Variants in NR2C2 observed in about 807,000 individuals in gnomAD.
The protein encoded by NR2C2 is nuclear receptor subfamily 2 group C member 2.
Under a neutral mutation model 62.9 loss-of-function variants are expected in NR2C2, and 6 were observed. The observed-to-expected ratio is 0.10, with a 90% CI of 0.05 to 0.19. The LOEUF is 0.19. Ranked by LOEUF, NR2C2 falls within the 10% of genes least tolerant of loss-of-function variation. The pLI is 1.00. For missense variants in NR2C2, 479 were observed against 762.7 expected, an observed-to-expected ratio of 0.63 and a Z score of 4.38; for synonymous variants, 272 against 273.8, an observed-to-expected ratio of 0.99 and a Z score of 0.07.
chr3:14,996,436 G>T (rs1259644678), intron 1 of NR2C2, among the ~76,000 whole-genome samples: 1 of 152,172 alleles, frequency 6.6e-6, no homozygotes, highest in African/African-American at 2.4e-5. Context: ...GACAGTATCA[G>T]TTATCATTTG....
At chr3:14,954,053 C>T (rs1035519349) in intron 1 of NR2C2, among the ~76,000 whole-genome samples, 3 of 152,132 alleles carry the variant, frequency 2.0e-5, no homozygotes, top group Non-Finnish European at 4.4e-5. Flanking sequence ...GTACCACACT[C>T]GTTCTTGTCC....
chr3:15,046,831 C>T lies in NR2C2; in HGVS notation c.*3823C>T, dbSNP rs1225281684. 1 of 152,690 alleles carries T rather than the reference C, an allele frequency of 6.5e-6. No individual in the cohort carries two copies. The highest frequency in any genetic ancestry group is 2.4e-5 in the African/African-American group (1 of 41,462). The allele number at this position is 152,690 out of a possible 1,614,324, so 9.5% of individuals were successfully genotyped here. A position where few individuals can be genotyped will look rare whatever the true frequency, so the allele number is the denominator to read the frequency against. ...TGCCCCACGTGCTTCCTTTATCCAG[C>T]TTCCATTCTCTCAGTTATGAGGCTC... On this transcript the variant is annotated 3_prime_UTR_variant, in exon 14 of 14. Coordinates refer to ENST00000425241, the MANE Select transcript of NR2C2 (RefSeq NM_001291694.2).
chr3:15,004,412 A>G, intron 2 of NR2C2: 2 of 716,130 alleles, frequency 2.8e-6, no homozygotes, highest in South Asian at 3.6e-5. Context: ...GTTATTATGA[A>G]GAATCAAAGG....
At chr3:15,038,938 C>A in intron 12 of NR2C2, 184 bp from the exon 13 acceptor site, 2 of 590,720 alleles carry the variant, frequency 3.4e-6, no homozygotes, top group Non-Finnish European at 3.0e-6. Flanking sequence ...CCAGGAACTT[C>A]AGGCCTGGGC....
At chr3:14,968,824 T>G (rs1360855638) in intron 1 of NR2C2, among the ~76,000 whole-genome samples, 1 of 142,568 alleles carries the variant, frequency 7.0e-6, no homozygotes, top group African/African-American at 2.7e-5. Flanking sequence ...GATGAGTTCA[T>G]GTCCTTTGTA....
intron 8 of NR2C2, 132 bp downstream of exon 8, chr3:15,028,851 C>A: frequency 1.0e-6 from 1 of 974,274 alleles, no homozygotes. Context: ...AATGACCCTG[C>A]TCATCTGTCT....
chr3:14,972,953 C>G (rs535399258), intron 1 of NR2C2, among the ~76,000 whole-genome samples: 1 of 152,092 alleles, frequency 6.6e-6, no homozygotes, highest in African/African-American at 2.4e-5. Context: ...CCCCATGATC[C>G]GATCACCTCC....
At chr3:15,034,943 G>C (rs890006877) in intron 11 of NR2C2, 134 bp downstream of exon 11, 1 of 895,172 alleles carries the variant, frequency 1.1e-6, no homozygotes, top group African/African-American at 1.7e-5. Context: ...TAGCAAATTG[G>C]ATAGCCTCAG....
intron 8 of NR2C2, among the ~76,000 whole-genome samples, 161 bp from the exon 9 acceptor site, chr3:15,030,114 C>T (rs2041940961): frequency 6.6e-6 from 1 of 152,086 alleles, no homozygotes; most frequent in East Asian, 1.9e-4. Context: ...CACCTGCAGT[C>T]AATAGTTTGA....
intron 3 of NR2C2, 43 bp from the exon 4 acceptor site, chr3:15,016,109 G>T (rs1220599277): frequency 2.0e-6 from 3 of 1,505,360 alleles, no homozygotes; most frequent in African/African-American, 1.4e-5. Flanking sequence ...GCAGTGATTT[G>T]ATTTTTAATT....
At chr3:15,012,230 CT>C (rs112840297) in intron 2 of NR2C2, among the ~76,000 whole-genome samples, 126 of 145,624 alleles carry the variant, frequency 8.7e-4, no homozygotes, top group Non-Finnish European at 7.6e-4. Context: ...AGTTCCATTT[CT>C]TTTTTTTTTT....
At chr3:15,031,722 C>T (rs1220465899) in intron 9 of NR2C2, among the ~76,000 whole-genome samples, 1 of 151,822 alleles carries the variant, frequency 6.6e-6, no homozygotes, top group Non-Finnish European at 1.5e-5. Flanking sequence ...ATGAAGTTGG[C>T]CCCTGTTACC....
At chr3:14,984,378 T>G (rs2040457614) in intron 1 of NR2C2, among the ~76,000 whole-genome samples, 1 of 152,200 alleles carries the variant, frequency 6.6e-6, no homozygotes, top group South Asian at 2.1e-4. Context: ...TTATAAATTT[T>G]TAGGATAGAT....
intron 13 of NR2C2, among the ~76,000 whole-genome samples, chr3:15,040,666 G>C (rs1379704630): frequency 1.3e-5 from 2 of 152,252 alleles, no homozygotes; most frequent in Non-Finnish European, 2.9e-5. Flanking sequence ...ACAAGAGCCT[G>C]CTTCTCCTTT....
chr3:15,039,037 A>C (rs527467574), intron 12 of NR2C2, 85 bp from the exon 13 acceptor site: 50 of 954,278 alleles, frequency 5.2e-5, no homozygotes, highest in Admixed American at 4.9e-4. Flanking sequence ...AGTTTGCAGA[A>C]GTTTGACTAA....
At chr3:14,973,235 G>A (rs529288007) in intron 1 of NR2C2, among the ~76,000 whole-genome samples, 92 of 151,980 alleles carry the variant, frequency 6.1e-4, no homozygotes, top group Admixed American at 1.2e-3. Flanking sequence ...TTTCCTCTAT[G>A]ATTTTTTTTT....
chr3:15,004,650 G>T, intron 2 of NR2C2: 1 of 1,608,252 alleles, frequency 6.2e-7, no homozygotes, highest in South Asian at 1.1e-5. Flanking sequence ...AAGCTGGGAG[G>T]AAGGGATAAT....
At chr3:15,041,427 A>C (rs2042261963) in intron 13 of NR2C2, among the ~76,000 whole-genome samples, 1 of 152,206 alleles carries the variant, frequency 6.6e-6, no homozygotes, top group Non-Finnish European at 1.5e-5. Flanking sequence ...TGGCTGAGTG[A>C]ATGGATGCTG....
chr3:14,989,839 A>G (rs2040616626), intron 1 of NR2C2, among the ~76,000 whole-genome samples: 1 of 149,624 alleles, frequency 6.7e-6, no homozygotes, highest in Admixed American at 6.7e-5. Context: ...GGTGGAGATA[A>G]GAGAATCGCT....
Sources: allele counts gnomAD v4.1 joint callset (sites outside exome capture counted in the v4.1 genomes callset), GRCh38; gene constraint gnomAD v4.1.1; transcripts MANE v1.5; gene names NCBI Gene and HGNC (gene_info 2026-07-23, HGNC 2026-07-21).